The following DSCAM variants were observed in gnomAD, a reference collection of about 807,000 sequenced individuals.
DSCAM encodes the protein cell adhesion molecule DSCAM.
A neutral mutation model predicts 217.7 loss-of-function variants in DSCAM; 47 were observed. The observed-to-expected ratio is 0.22, with a 90% confidence interval of 0.17 to 0.28. DSCAM has a LOEUF of 0.28. Among genes scored for constraint, DSCAM ranks in the 10% least tolerant of loss-of-function variants. DSCAM has a pLI of 1.00. For synonymous variants in DSCAM, 1,056 were observed against 1,015.3 expected (o/e 1.04, Z -0.76); for missense variants, 2,080 against 2,618.3 (o/e 0.79, Z 4.49).
In DSCAM at chr21:40,332,369, G is replaced by A. The variant is rs145384899; in HGVS notation, c.1783+5732C>T. Among the ~76,000 whole-genome samples, 24 of 152,238 alleles carry A rather than the reference G, an allele frequency of 1.6e-4. No individual in the cohort carries two copies. In the East Asian group the frequency reaches 2.1e-3, roughly 13 times the overall value. Reference sequence around the variant, plus strand: ...TGAATGTATTACTGGGTGACTGTGCGCAGCCTCATCTCTCTTCTATTCTTT... The same window carrying A: ...TGAATGTATTACTGGGTGACTGTGCACAGCCTCATCTCTCTTCTATTCTTT... On this transcript the variant is annotated intron_variant, in intron 8 of 32. Transcript: ENST00000400454.
intron 3 of DSCAM, among the ~76,000 whole-genome samples, chr21:40,483,207 C>G (rs2075997118): frequency 6.6e-6 from 1 of 152,218 alleles, no homozygotes; most frequent in Non-Finnish European, 1.5e-5. Flanking sequence ...TCCTCATGAT[C>G]TTGCAGGACT....
At chr21:40,039,637 A>G (rs1362694154) in intron 32 of DSCAM, among the ~76,000 whole-genome samples, 1 of 152,204 alleles carries the variant, frequency 6.6e-6, no homozygotes, top group Non-Finnish European at 1.5e-5. Context: ...TTTAAAAATA[A>G]TTCTTGCATG....
chr21:40,092,083 C>CT (rs1055833357), intron 21 of DSCAM, among the ~76,000 whole-genome samples: 1 of 152,182 alleles, frequency 6.6e-6, no homozygotes, highest in African/African-American at 2.4e-5. Flanking sequence ...ACCCTGTTTT[C>CT]TTTTCCCTGG....
chr21:40,818,269 G>A (rs1601305409), intron 1 of DSCAM, among the ~76,000 whole-genome samples: 2 of 151,540 alleles, frequency 1.3e-5, no homozygotes, highest in African/African-American at 4.8e-5. Flanking sequence ...AAAGTCGGCC[G>A]GGTGCAGTGG....
intron 3 of DSCAM, among the ~76,000 whole-genome samples, chr21:40,590,423 C>A (rs540147117): frequency 4.6e-5 from 7 of 152,310 alleles, no homozygotes; most frequent in African/African-American, 1.7e-4. Flanking sequence ...CCCATCTCCA[C>A]CACTCTGCTC....
chr21:40,027,424 G>A (rs2088413514), intron 32 of DSCAM, among the ~76,000 whole-genome samples: 2 of 151,430 alleles, frequency 1.3e-5, no homozygotes, highest in South Asian at 2.1e-4. Flanking sequence ...ACTTTGGCCT[G>A]CCTTGCTAGA....
intron 11 of DSCAM, among the ~76,000 whole-genome samples, chr21:40,210,939 C>T (rs1601444403): frequency 6.6e-6 from 1 of 152,138 alleles, no homozygotes; most frequent in East Asian, 1.9e-4. Flanking sequence ...CATTACAGGT[C>T]CATGTACCCA....
chr21:40,596,975 T>C (rs1045465722), intron 3 of DSCAM, among the ~76,000 whole-genome samples: 1 of 152,146 alleles, frequency 6.6e-6, no homozygotes, highest in African/African-American at 2.4e-5. Context: ...AGCATCATCT[T>C]CTACACTTGT....
At chr21:40,788,550 TGG>T (rs2091612943) in intron 1 of DSCAM, among the ~76,000 whole-genome samples, 2 of 152,190 alleles carry the variant, frequency 1.3e-5, no homozygotes, top group African/African-American at 2.4e-5. Flanking sequence ...GCTTTTTATT[TGG>T]AAGCACTCAT....
chr21:40,245,182 G>A (rs368347755), intron 11 of DSCAM, among the ~76,000 whole-genome samples: 146 of 152,306 alleles, frequency 9.6e-4, no homozygotes, highest in African/African-American at 3.4e-3. Flanking sequence ...GGCTGCTGCC[G>A]CCTGTTGGGG....
intron 1 of DSCAM, among the ~76,000 whole-genome samples, chr21:40,809,789 A>T (rs535781465): frequency 5.3e-5 from 8 of 152,304 alleles, no homozygotes; most frequent in Non-Finnish European, 8.8e-5. Context: ...AGGACATCAA[A>T]AAGATGCTTT....
In DSCAM at chr21:40,652,589, C is replaced by G. The variant is rs555757495; in HGVS notation, c.508+40221G>C. 3.3e-5 allele frequency among the ~76,000 whole-genome samples: 5 copies of G among 152,244 alleles called. No homozygotes were observed. In the East Asian group the frequency reaches 7.7e-4, roughly 24 times the overall value. On this transcript the variant is annotated intron_variant, in intron 3 of 32. Transcript: ENST00000400454. ...CAATGGGAGGAGACACAGTGGAAAC[C>G]ACACATGGCTTTGGGCTTAGCTGAG...
intron 3 of DSCAM, among the ~76,000 whole-genome samples, chr21:40,670,990 G>T (rs1242189535): frequency 6.6e-6 from 1 of 152,072 alleles, no homozygotes; most frequent in Non-Finnish European, 1.5e-5. Flanking sequence ...CAGATTATAA[G>T]AAAATGCATC....
chr21:40,507,745 T>C (rs1436786314), intron 3 of DSCAM, among the ~76,000 whole-genome samples: 2 of 152,156 alleles, frequency 1.3e-5, no homozygotes, highest in Non-Finnish European at 2.9e-5. Context: ...ATCATGCCAC[T>C]GCACTACAGC....
intron 5 of DSCAM, among the ~76,000 whole-genome samples, chr21:40,349,966 A>G (rs1020598352): frequency 6.6e-6 from 1 of 152,180 alleles, no homozygotes; most frequent in Admixed American, 6.5e-5. Flanking sequence ...ATATAAATAT[A>G]TCTTTTAAAT....
Position 40,568,755 on chromosome 21 carries a change from C to T in DSCAM, c.508+124055G>A, listed in dbSNP as rs541533727. Reference sequence around the variant, plus strand: ...TAAAATACCAGCATTTTAATGTCTGCCCTATAAGCAGACAATTTTGTGCAG... The same window carrying T: ...TAAAATACCAGCATTTTAATGTCTGTCCTATAAGCAGACAATTTTGTGCAG... On this transcript the variant is annotated intron_variant, in intron 3 of 32. Transcript: ENST00000400454. Among the ~76,000 whole-genome samples the T allele has an allele frequency of 4.6e-5, 7 of 152,218 alleles. 1 individual carries two copies. Among genetic ancestry groups the T allele is most frequent in the African/African-American group, 1.4e-4 (6 of 41,520 alleles).
intron 1 of DSCAM, among the ~76,000 whole-genome samples, chr21:40,738,749 G>C (rs1367853052): frequency 6.6e-6 from 1 of 152,224 alleles, no homozygotes; most frequent in Non-Finnish European, 1.5e-5. Context: ...CGTTGATGCT[G>C]CCAGTCAGGG....
chr21:40,038,353 T>C (rs112582717), intron 32 of DSCAM, among the ~76,000 whole-genome samples: 1,465 of 44,876 alleles, frequency 0.033, 6 homozygotes, highest in Middle Eastern at 0.046. Flanking sequence ...GAAAAGTGGG[T>C]GAAGGACATG....
intron 3 of DSCAM, among the ~76,000 whole-genome samples, chr21:40,562,244 AGT>A (rs1568906607): frequency 6.6e-6 from 1 of 152,172 alleles, no homozygotes; most frequent in Admixed American, 6.5e-5. Context: ...TTCTCATGAT[AGT>A]GAGTGAATTC....
Sources: allele counts gnomAD v4.1 joint callset (sites outside exome capture counted in the v4.1 genomes callset), GRCh38; gene constraint gnomAD v4.1.1; transcripts MANE v1.5; gene names NCBI Gene and HGNC (gene_info 2026-07-23, HGNC 2026-07-21).